ZFPM2: variants seen among roughly 807,000 people sequenced by gnomAD.
ZFPM2 encodes zinc finger protein, FOG family member 2.
In ZFPM2, 20 loss-of-function variants were observed where a neutral mutation model predicts 98.6. That is an observed-to-expected ratio of 0.20 (90% confidence interval 0.14 to 0.29). The LOEUF is 0.29. Among genes scored for constraint, ZFPM2 ranks in the 10% least tolerant of loss-of-function variants. The pLI is 1.00. For missense variants in ZFPM2, 1,310 were observed against 1,388.6 expected (o/e 0.94, Z 0.90); for synonymous variants, 518 against 502.7 (o/e 1.03, Z -0.41).
chr8:105,641,576 T>A (rs1230962645), intron 5 of ZFPM2, among the ~76,000 whole-genome samples: 2 of 152,096 alleles, frequency 1.3e-5, no homozygotes, highest in Admixed American at 6.6e-5. Flanking sequence ...CTGTTGCAAA[T>A]TGCAGAATGG....
rs1811609933 is a variant in ZFPM2 at position 105,719,664 on chromosome 8, G to A, written c.533-69054G>A. Among the ~76,000 whole-genome samples the A allele has an allele frequency of 3.3e-5, 5 of 151,964 alleles. No individual in the cohort carries two copies. In the South Asian group the frequency reaches 1.0e-3, roughly 32 times the overall value. On this transcript the variant is annotated intron_variant, in intron 5 of 7. Coordinates refer to ENST00000407775, the MANE Select transcript of ZFPM2 (RefSeq NM_012082.4). ...TAATACATATAGAGTGCTTCCCACA[G>A]CATCTAATAAGTAGTAAAACCCATT...
At chr8:105,485,289 G>GT (rs960872544) in intron 3 of ZFPM2, among the ~76,000 whole-genome samples, 46 of 150,818 alleles carry the variant, frequency 3.1e-4, no homozygotes, top group African/African-American at 4.9e-4. Context: ...GTTACTGCTT[G>GT]TTTTTTTTTG....
intron 4 of ZFPM2, among the ~76,000 whole-genome samples, chr8:105,587,232 G>C (rs562499680): frequency 1.4e-5 from 2 of 146,414 alleles, no homozygotes; most frequent in Non-Finnish European, 3.0e-5. Flanking sequence ...AGCAGAGATC[G>C]TGCCACTGCA....
Position 105,651,336 on chromosome 8 carries a change from C to T in ZFPM2, c.532+16979C>T, listed in dbSNP as rs375811649. The stretch of plus-strand genomic sequence containing the variant: ...CACAAAAATTAGCCGGGTGTGGTGG[C>T]GGGCACCTGTAATCCCAGCTACTTA... On this transcript the variant is annotated intron_variant, in intron 5 of 7. Coordinates refer to ENST00000407775, the MANE Select transcript of ZFPM2 (RefSeq NM_012082.4). 1.9e-3 allele frequency among the ~76,000 whole-genome samples: 282 copies of T among 151,920 alleles called. 2 individuals are homozygous for T. The highest frequency in any genetic ancestry group is 6.3e-3 in the African/African-American group (260 of 41,422).
intron 4 of ZFPM2, among the ~76,000 whole-genome samples, chr8:105,561,967 A>G (rs1380071206): frequency 6.7e-6 from 1 of 148,860 alleles, no homozygotes; most frequent in Non-Finnish European, 1.5e-5. Context: ...CAGAAAGTCT[A>G]TCTCTTGCCA....
chr8:105,723,737 C>T (rs1811730618), intron 5 of ZFPM2, among the ~76,000 whole-genome samples: 2 of 151,776 alleles, frequency 1.3e-5, no homozygotes, highest in South Asian at 4.1e-4. Context: ...ATCATAAACG[C>T]GACTGCATTT....
chr8:105,460,865 A>T (rs1274065373), intron 3 of ZFPM2, among the ~76,000 whole-genome samples: 1 of 152,016 alleles, frequency 6.6e-6, no homozygotes, highest in East Asian at 1.9e-4. Flanking sequence ...CAATTATTTT[A>T]TATTCTATAT....
At chr8:105,690,346 A>T (rs1810847720) in intron 5 of ZFPM2, among the ~76,000 whole-genome samples, 1 of 152,238 alleles carries the variant, frequency 6.6e-6, no homozygotes, top group Non-Finnish European at 1.5e-5. Flanking sequence ...CAGTGCTGTT[A>T]TCGTTCTCAC....
chr8:105,801,521 C>T lies in ZFPM2; in HGVS notation c.1439C>T (p.Ala480Val), dbSNP rs1389411724. Residue 480 changes from alanine (A) to valine (V), a missense_variant, in exon 8 of 8, where the codon GCC (alanine) becomes GTC (valine). By Grantham distance (64) the Ala-to-Val change is moderately conservative. Transcript: ENST00000407775. ...TCTGAGCCCTCTAGCCCAAGACTTG[C>T]CTCATCTCCAGTTCAGCCTAATATT... ...IKSEPSSPRL[A>V]SSPVQPNIGP... 3 of 1,613,938 alleles carry T rather than the reference C, an allele frequency of 1.9e-6. No homozygotes were observed. The highest frequency in any genetic ancestry group is 1.7e-5 in the Admixed American group (1 of 60,010).
intron 3 of ZFPM2, among the ~76,000 whole-genome samples, chr8:105,546,462 A>G (rs1038215483): frequency 1.3e-5 from 2 of 150,976 alleles, no homozygotes; most frequent in Non-Finnish European, 3.0e-5. Flanking sequence ...CCAGCTACTC[A>G]GGAGGCTGAG....
At chr8:105,444,790 G>C (rs1270389540) in intron 3 of ZFPM2, among the ~76,000 whole-genome samples, 1 of 152,082 alleles carries the variant, frequency 6.6e-6, no homozygotes, top group East Asian at 1.9e-4. Context: ...TACATATTTA[G>C]AAGTTTAGAA....
chr8:105,554,193 G>T (rs1814931115), intron 3 of ZFPM2, among the ~76,000 whole-genome samples: 1 of 152,124 alleles, frequency 6.6e-6, no homozygotes, highest in Admixed American at 6.6e-5. Context: ...CTTAGAGATG[G>T]ATCAATATAG....
intron 5 of ZFPM2, among the ~76,000 whole-genome samples, chr8:105,759,384 G>T (rs545572935): frequency 1.9e-4 from 29 of 152,126 alleles, no homozygotes; most frequent in African/African-American, 6.7e-4. Context: ...GCAGACCTGG[G>T]TTCCTTTATT....
chr8:105,662,251 A>G (rs938261163), intron 5 of ZFPM2: 1 of 152,172 alleles, frequency 6.6e-6, no homozygotes, highest in African/African-American at 2.4e-5. Flanking sequence ...TAGCACGGAC[A>G]TACTGACAGG....
chr8:105,630,401 A>T (rs1816735149), intron 4 of ZFPM2, among the ~76,000 whole-genome samples: 1 of 152,200 alleles, frequency 6.6e-6, no homozygotes, highest in Admixed American at 6.5e-5. Flanking sequence ...TGACTTCTTC[A>T]GAAAGAAATT....
Position 105,778,913 on chromosome 8 carries a change from C to T in ZFPM2, c.533-9805C>T, listed in dbSNP as rs1289492600. 7.3e-5 allele frequency among the ~76,000 whole-genome samples: 10 copies of T among 137,082 alleles called. 1 individual carries two copies. The Middle Eastern group carries it at 0.023, about 316-fold the overall frequency. The allele number at this position is 137,082 out of a possible 152,430, so 89.9% of individuals were successfully genotyped here. On this transcript the variant is annotated intron_variant, in intron 5 of 7. Transcript: ENST00000407775. ...TGTCATCTTTTTTTTTTTTTTTTTACGCATACGTCTTTTTTCTTTGTTTTT... is the reference window on the plus strand; with the variant it reads ...TGTCATCTTTTTTTTTTTTTTTTTATGCATACGTCTTTTTTCTTTGTTTTT...
chr8:105,434,567 T>C (rs1056270334), intron 2 of ZFPM2, among the ~76,000 whole-genome samples: 1 of 152,220 alleles, frequency 6.6e-6, no homozygotes, highest in Non-Finnish European at 1.5e-5. Context: ...TGTGAAGGTA[T>C]CCTAACTATA....
intron 5 of ZFPM2, among the ~76,000 whole-genome samples, chr8:105,778,489 C>G (rs1267418423): frequency 6.8e-6 from 1 of 148,018 alleles, no homozygotes; most frequent in Admixed American, 6.8e-5. Flanking sequence ...TGAGTGCATG[C>G]GTGTGTGTGT....
intron 4 of ZFPM2, among the ~76,000 whole-genome samples, chr8:105,616,487 G>T (rs1816416835): frequency 6.6e-6 from 1 of 151,792 alleles, no homozygotes; most frequent in Non-Finnish European, 1.5e-5. Context: ...GTTAAAGTTG[G>T]ATGTAATAAA....
Sources: allele counts gnomAD v4.1 joint callset (sites outside exome capture counted in the v4.1 genomes callset), GRCh38; gene constraint gnomAD v4.1.1; transcripts MANE v1.5; gene names NCBI Gene and HGNC (gene_info 2026-07-23, HGNC 2026-07-21).